Variants in ACTL8 observed in about 807,000 individuals in gnomAD.
The protein encoded by ACTL8 is actin-like protein 8.
A neutral mutation model predicts 9.3 loss-of-function variants in ACTL8; 3 were observed. The ratio of observed to expected loss-of-function variants is 0.32; its 90% confidence interval spans 0.15 to 0.83. ACTL8 has a LOEUF of 0.83. Ranked by LOEUF, ACTL8 falls within the 40% of genes least tolerant of loss-of-function variation. The probability of loss-of-function intolerance (pLI) is 0.57; values close to 1 mark genes in which losing one functional copy is unlikely to be tolerated. For missense variants in ACTL8, 381 were observed against 492.2 expected, an observed-to-expected ratio of 0.77 and a Z score of 2.14; for synonymous variants, 224 against 205.9, an observed-to-expected ratio of 1.09 and a Z score of -0.75.
At chr1:17,783,590 C>T (rs531779545) in intron 1 of ACTL8, among the ~76,000 whole-genome samples, 13 of 152,302 alleles carry the variant, frequency 8.5e-5, no homozygotes, top group South Asian at 6.2e-4. Context: ...TCTCTAGCTT[C>T]GCAACTCTGG....
intron 1 of ACTL8, among the ~76,000 whole-genome samples, chr1:17,796,689 C>A (rs576551743): frequency 6.6e-6 from 1 of 152,222 alleles, no homozygotes; most frequent in Non-Finnish European, 1.5e-5. Context: ...TGGCTCATAC[C>A]GGATTCAAAC....
chr1:17,814,059 T>C (rs1459355826), intron 1 of ACTL8, among the ~76,000 whole-genome samples: 1 of 152,230 alleles, frequency 6.6e-6, no homozygotes, highest in Non-Finnish European at 1.5e-5. Flanking sequence ...TTATTGACTT[T>C]TCACTATTTG....
chr1:17,789,949 C>T lies in ACTL8; in HGVS notation c.-24-33036C>T, dbSNP rs115060697. ...TCAGCCTGGAAGGCTGCACTTGGCT[C>T]ATGCCACTGGCCTGGGTCCCACGCC... On this transcript the variant is annotated intron_variant, in intron 1 of 2. Transcript: ENST00000375406. 5.4e-3 allele frequency among the ~76,000 whole-genome samples: 828 copies of T among 152,352 alleles called. 10 individuals carry two copies. The highest frequency in any genetic ancestry group is 0.018 in the African/African-American group (766 of 41,588).
At chr1:17,825,737 A>T (rs1490464279) in intron 2 of ACTL8, 30 bp from the exon 3 acceptor site, 4 of 1,597,530 alleles carry the variant, frequency 2.5e-6, no homozygotes, top group African/African-American at 1.3e-5. Flanking sequence ...CTGGGGGGAA[A>T]TGCACTGAGT....
chr1:17,826,458 T>C lies in ACTL8; in HGVS notation c.1040T>C (p.Leu347Pro). The change falls in exon 3 of 3, where the codon CTT becomes CCT. Residue 347 changes from leucine (L) to proline (P), a missense_variant. Physicochemically the swap from Leu to Pro is moderately conservative, Grantham distance 98 (BLOSUM62 -3). Coordinates refer to ENST00000375406, the MANE Select transcript of ACTL8 (RefSeq NM_030812.3). This position sits in a 1 kb window ranked among gnomAD's most constrained non-coding sequence, Gnocchi z 4.5. ...CTAGGAGCGTCCGTGGTGGCTCACC[T>C]TTCTACCTACCAGTCTGAGTGGATG... ...VWLGASVVAH[L>P]STYQSEWMSR... 1 of 1,611,910 alleles carries C rather than the reference T, an allele frequency of 6.2e-7. No individual in the cohort carries two copies. The highest frequency in any genetic ancestry group is 8.5e-7 in the Non-Finnish European group (1 of 1,178,710).
At chr1:17,759,945 C>G (rs765447068) in intron 1 of ACTL8, among the ~76,000 whole-genome samples, 30 of 152,156 alleles carry the variant, frequency 2.0e-4, no homozygotes, top group Non-Finnish European at 4.0e-4. Flanking sequence ...GGTTAATAAT[C>G]CTTTATATGA....
chr1:17,826,518 G>A lies in ACTL8; in HGVS notation c.1100G>A (p.Ter367=). The change falls in exon 3 of 3, where the codon TGA becomes TAA. Residue 367 remains the stop codon, a stop_retained_variant. Transcript: ENST00000375406. This position sits in a 1 kb window ranked among gnomAD's most constrained non-coding sequence, Gnocchi z 4.5. ...REEYGEHMRM[*] Reference sequence around the variant, plus strand: ...GAGTATGGTGAGCATATGAGGATGTGACCCTACTGGCTCACTCCTGAGAAT... The same window carrying A: ...GAGTATGGTGAGCATATGAGGATGTAACCCTACTGGCTCACTCCTGAGAAT... 6.4e-7 allele frequency: 1 copy of A among 1,553,074 alleles called. No homozygotes were observed. The highest frequency in any genetic ancestry group is 8.7e-7 in the Non-Finnish European group (1 of 1,144,622).
At chr1:17,809,905 GA>G (rs2102697402) in intron 1 of ACTL8, among the ~76,000 whole-genome samples, 1 of 152,274 alleles carries the variant, frequency 6.6e-6, no homozygotes, top group Admixed American at 6.5e-5. Context: ...CAGGTCTGTG[GA>G]AAAATTATCT....
At chr1:17,795,828 G>A (rs1437457932) in intron 1 of ACTL8, among the ~76,000 whole-genome samples, 6 of 152,198 alleles carry the variant, frequency 3.9e-5, no homozygotes, top group Non-Finnish European at 5.9e-5. Flanking sequence ...CAATACATGT[G>A]CAAGGCGGGT....
chr1:17,807,301 T>C (rs961683713), intron 1 of ACTL8, among the ~76,000 whole-genome samples: 7 of 152,116 alleles, frequency 4.6e-5, no homozygotes, highest in Admixed American at 3.9e-4. Flanking sequence ...ACCGCAGCAT[T>C]GACAGGATGA....
chr1:17,804,748 C>T (rs1430013391), intron 1 of ACTL8, among the ~76,000 whole-genome samples: 1 of 151,998 alleles, frequency 6.6e-6, no homozygotes, highest in Non-Finnish European at 1.5e-5. Context: ...TCCTGAGTAG[C>T]TGGGATATAG....
At position 17,811,466 on chromosome 1, in the gene ACTL8, A is replaced by G. The variant is rs1034850660; in HGVS notation, c.-24-11519A>G. Among the ~76,000 whole-genome samples, 21 of 152,178 alleles carry G rather than the reference A, an allele frequency of 1.4e-4. 1 individual carries two copies. The highest frequency in any genetic ancestry group is 1.2e-3 in the Admixed American group (18 of 15,280). On this transcript the variant is annotated intron_variant, in intron 1 of 2. Transcript: ENST00000375406. The stretch of plus-strand genomic sequence containing the variant: ...TTTTAAAATTTTGGTGAAGTCCAGG[A>G]TATTAACTTTTTCTTTTATGAGTGG...
chr1:17,764,488 C>T (rs1356319725), intron 1 of ACTL8, among the ~76,000 whole-genome samples: 3 of 152,136 alleles, frequency 2.0e-5, no homozygotes, highest in Non-Finnish European at 4.4e-5. Flanking sequence ...AGGAATGCTA[C>T]GAGGTTCTGA....
intron 1 of ACTL8, 48 bp downstream of exon 1, chr1:17,755,552 GACTGT>G (rs1489520999): frequency 6.7e-6 from 1 of 149,740 alleles, no homozygotes; most frequent in African/African-American, 2.5e-5. Context: ...TGTGGCCCCT[GACTGT>G]TTTTTTTTTT....
chr1:17,825,084 G>C (rs1315860243), intron 2 of ACTL8, among the ~76,000 whole-genome samples: 3 of 139,142 alleles, frequency 2.2e-5, no homozygotes, highest in Non-Finnish European at 3.1e-5. Flanking sequence ...GGGGGCAGGG[G>C]GGCTTTGTAA....
At chr1:17,815,077 G>A (rs1275654543) in intron 1 of ACTL8, among the ~76,000 whole-genome samples, 1 of 151,838 alleles carries the variant, frequency 6.6e-6, no homozygotes, top group African/African-American at 2.4e-5. Flanking sequence ...TTATGTTACA[G>A]TTGCCTACAG....
intron 1 of ACTL8, among the ~76,000 whole-genome samples, chr1:17,775,370 G>C (rs202008151): frequency 3.7e-5 from 3 of 80,604 alleles, no homozygotes; most frequent in African/African-American, 9.8e-5. Context: ...TGGAGGAGGA[G>C]GAGGAGGGTT....
chr1:17,784,939 G>A (rs191240553), intron 1 of ACTL8, among the ~76,000 whole-genome samples: 2 of 152,362 alleles, frequency 1.3e-5, no homozygotes, highest in African/African-American at 4.8e-5. Flanking sequence ...CATGGCAGAA[G>A]GCAAGGAGGA....
chr1:17,825,599 C>T (rs913498782), intron 2 of ACTL8, among the ~76,000 whole-genome samples, 168 bp from the exon 3 acceptor site: 2 of 152,226 alleles, frequency 1.3e-5, no homozygotes, highest in Admixed American at 6.5e-5. Context: ...CCTTCTAATC[C>T]TCCAGAGCTG....
Sources: gnomAD v4.1 joint callset for allele counts (sites outside exome capture counted in the v4.1 genomes callset) on GRCh38, gnomAD v4.1.1 for gene constraint, Gnocchi (gnomAD v3.1) non-coding constraint, MANE v1.5 for transcripts, NCBI Gene and HGNC (gene_info 2026-07-23, HGNC 2026-07-21) for gene names.